PTPRD: variants seen among roughly 807,000 people sequenced by gnomAD.
The protein encoded by PTPRD is protein tyrosine phosphatase receptor type D.
In PTPRD, 34 loss-of-function variants were observed where a neutral mutation model predicts 214.5. The ratio of observed to expected loss-of-function variants is 0.16; its 90% CI spans 0.12 to 0.21. The LOEUF (loss-of-function observed/expected upper bound fraction) is 0.21, where lower values mean the gene tolerates loss of function less well. PTPRD is among the 10% of genes least tolerant of loss of function. The pLI is 1.00. For synonymous variants in PTPRD, 1,128 were observed against 845.7 expected, an observed-to-expected ratio of 1.33 and a Z score of -5.79; for missense variants, 2,545 against 2,398.7, an observed-to-expected ratio of 1.06 and a Z score of -1.27.
At chr9:8,956,740 T>TA (rs1458505002) in intron 11 of PTPRD, among the ~76,000 whole-genome samples, 3 of 151,756 alleles carry the variant, frequency 2.0e-5, no homozygotes, top group Non-Finnish European at 2.9e-5. Flanking sequence ...TCCCTCCCTC[T>TA]AAAAAATCCC....
chr9:9,675,142 T>C (rs1410478284), intron 7 of PTPRD, among the ~76,000 whole-genome samples: 2 of 151,928 alleles, frequency 1.3e-5, no homozygotes, highest in South Asian at 4.1e-4. Flanking sequence ...TCAAAGTCAA[T>C]TATGAAAGAG....
At chr9:8,407,106 C>T (rs927631966) in intron 35 of PTPRD, among the ~76,000 whole-genome samples, 1 of 152,178 alleles carries the variant, frequency 6.6e-6, no homozygotes, top group African/African-American at 2.4e-5. Context: ...TTACTTGATA[C>T]CTACATTGAA....
chr9:10,569,505 G>GTT (rs2066752153), intron 2 of PTPRD, among the ~76,000 whole-genome samples: 1 of 143,338 alleles, frequency 7.0e-6, no homozygotes, highest in Non-Finnish European at 1.5e-5. Flanking sequence ...GTATATGCAT[G>GTT]TCTCTCTCTC....
chr9:9,131,473 T>C (rs975993051), intron 10 of PTPRD, among the ~76,000 whole-genome samples: 12 of 152,158 alleles, frequency 7.9e-5, no homozygotes, highest in Middle Eastern at 3.2e-3. Flanking sequence ...ATGGAACAGA[T>C]TGTAGCAGTT....
rs144318316 is a variant in PTPRD, at chr9:10,239,893, C to T, written c.-545+101070G>A. Among the ~76,000 whole-genome samples the T allele has an allele frequency of 2.9e-3, 436 of 151,898 alleles. 3 individuals are homozygous for T. The highest frequency in any genetic ancestry group is 0.01 in the African/African-American group (424 of 41,496). On this transcript the variant is annotated intron_variant, in intron 3 of 45. Coordinates refer to ENST00000381196, the MANE Select transcript of PTPRD (RefSeq NM_002839.4). ...TCTTTTCCCCAAGGTTGGTCTAGAA[C>T]CCTTTTTCCCCAAAGCCAGCTGTAA...
In PTPRD at chr9:10,117,745, G is replaced by A. The variant is rs937630709; in HGVS notation, c.-544-83955C>T. 5.9e-5 allele frequency among the ~76,000 whole-genome samples: 9 copies of A among 151,470 alleles called. 1 individual carries two copies. Among genetic ancestry groups the A allele is most frequent in the Admixed American group, 5.9e-4 (9 of 15,154 alleles). On this transcript the variant is annotated intron_variant, in intron 3 of 45. Coordinates refer to ENST00000381196, the MANE Select transcript of PTPRD (RefSeq NM_002839.4). ...TCACAGGAACTGGGAGTTAGGATTG[G>A]ACATGTTTTTTGGTGAAACAATTCA...
At chr9:9,257,935 C>T (rs1233574662) in intron 9 of PTPRD, among the ~76,000 whole-genome samples, 2 of 151,880 alleles carry the variant, frequency 1.3e-5, no homozygotes, top group Admixed American at 6.6e-5. Context: ...ACATACAATG[C>T]TATTAAAGAA....
intron 8 of PTPRD, among the ~76,000 whole-genome samples, chr9:9,434,675 C>G (rs1299864882): frequency 2.0e-5 from 3 of 151,848 alleles, no homozygotes; most frequent in African/African-American, 7.3e-5. Flanking sequence ...TAAAAATAGA[C>G]AGACCAATAG....
At chr9:10,478,020 C>A (rs2099074317) in intron 2 of PTPRD, among the ~76,000 whole-genome samples, 1 of 151,306 alleles carries the variant, frequency 6.6e-6, no homozygotes, top group African/African-American at 2.4e-5. Flanking sequence ...GCACAAATAC[C>A]TAATGCATGT....
At chr9:10,564,990 T>A (rs1289883091) in intron 2 of PTPRD, among the ~76,000 whole-genome samples, 1 of 152,156 alleles carries the variant, frequency 6.6e-6, no homozygotes, top group African/African-American at 2.4e-5. Context: ...TGGCTAAATT[T>A]GAAACTTTCT....
intron 12 of PTPRD, among the ~76,000 whole-genome samples, chr9:8,655,648 G>T (rs1418331150): frequency 6.6e-6 from 1 of 151,694 alleles, no homozygotes; most frequent in African/African-American, 2.4e-5. Context: ...CACCAGCAGA[G>T]CCCCTGGAAA....
intron 6 of PTPRD, among the ~76,000 whole-genome samples, chr9:9,754,096 T>C (rs2098546684): frequency 6.6e-6 from 1 of 152,060 alleles, no homozygotes; most frequent in South Asian, 2.1e-4. Context: ...ATATTAAATA[T>C]TAAATATGCT....
At chr9:9,362,046 G>A (rs1421440449) in intron 9 of PTPRD, among the ~76,000 whole-genome samples, 1 of 151,060 alleles carries the variant, frequency 6.6e-6, no homozygotes, top group South Asian at 2.1e-4. Context: ...CATGGCACTT[G>A]TTCAAATGTT....
At chr9:9,925,763 C>T (rs1211100000) in intron 5 of PTPRD, among the ~76,000 whole-genome samples, 1 of 151,972 alleles carries the variant, frequency 6.6e-6, no homozygotes, top group Non-Finnish European at 1.5e-5. Context: ...ATCTTTGTTT[C>T]ATTGTAATGC....
intron 30 of PTPRD, among the ~76,000 whole-genome samples, chr9:8,481,718 G>A (rs1357632935): frequency 6.6e-6 from 1 of 151,978 alleles, no homozygotes; most frequent in East Asian, 1.9e-4. Flanking sequence ...CAATGATTCT[G>A]TCTTCTTCCA....
At chr9:9,866,888 A>T (rs1204383736) in intron 5 of PTPRD, among the ~76,000 whole-genome samples, 1 of 152,168 alleles carries the variant, frequency 6.6e-6, no homozygotes, top group African/African-American at 2.4e-5. Context: ...CTAGAACAAC[A>T]AAGTTCCTAT....
In PTPRD at chr9:10,018,322, C is replaced by G. The variant is rs139629738; in HGVS notation, c.-472+15396G>C. Among the ~76,000 whole-genome samples the G allele has an allele frequency of 6.1e-3, 932 of 152,036 alleles. 7 individuals are homozygous for G. Among genetic ancestry groups the G allele is most frequent in the African/African-American group, 0.021 (866 of 41,498 alleles). The stretch of plus-strand genomic sequence containing the variant: ...ATCTCTTTTATATATTCCAATAAAT[C>G]AGAAGCAATAAGCCGTCAGATACAG... On this transcript the variant is annotated intron_variant, in intron 4 of 45. Coordinates refer to ENST00000381196, the MANE Select transcript of PTPRD (RefSeq NM_002839.4).
At chr9:10,500,146 G>A (rs2043218223) in intron 2 of PTPRD, among the ~76,000 whole-genome samples, 1 of 151,644 alleles carries the variant, frequency 6.6e-6, no homozygotes, top group African/African-American at 2.4e-5. Flanking sequence ...CATTTATTTA[G>A]TACTTCTAGT....
chr9:8,813,000 C>T (rs943581310), intron 11 of PTPRD, among the ~76,000 whole-genome samples: 9 of 151,988 alleles, frequency 5.9e-5, no homozygotes, highest in Non-Finnish European at 1.3e-4. Flanking sequence ...TGCTTCCGCT[C>T]CTCATGATAT....
Sources: allele counts gnomAD v4.1 joint callset (sites outside exome capture counted in the v4.1 genomes callset), GRCh38; gene constraint gnomAD v4.1.1; transcripts MANE v1.5; gene names NCBI Gene and HGNC (gene_info 2026-07-23, HGNC 2026-07-21).